The following SMAD3 variants were observed in gnomAD, a reference collection of about 807,000 sequenced individuals.
The protein encoded by SMAD3 is SMAD family member 3, also known as MAD homolog 3.
A neutral mutation model predicts 51.8 loss-of-function variants in SMAD3; 12 were observed. The ratio of observed to expected loss-of-function variants is 0.23; its 90% CI spans 0.15 to 0.38. SMAD3 has a LOEUF of 0.38. Ranked by LOEUF, SMAD3 falls within the 10% of genes least tolerant of loss-of-function variation. The pLI, the probability that SMAD3 is intolerant of heterozygous loss-of-function variation, is 1.00. For missense variants in SMAD3, 294 were observed against 565.6 expected (o/e 0.52, Z 4.87); for synonymous variants, 238 against 227.7 (o/e 1.05, Z -0.41).
chr15:67,146,464 C>T (rs576528584), intron 1 of SMAD3, among the ~76,000 whole-genome samples: 110 of 152,306 alleles, frequency 7.2e-4, no homozygotes, highest in African/African-American at 2.5e-3. Context: ...GAGGTGCGGC[C>T]TAGAGCGGGT....
At chr15:67,078,719 TAACTG>T (rs748932338) in intron 1 of SMAD3, among the ~76,000 whole-genome samples, 7 of 152,154 alleles carry the variant, frequency 4.6e-5, no homozygotes, top group Admixed American at 1.3e-4. Context: ...AGAAACCTCT[TAACTG>T]AAGGCAAGAC....
Position 67,190,551 on chromosome 15 carries a change from G to A in SMAD3, c.*15G>A. The A allele has an allele frequency of 6.2e-7, 1 of 1,613,824 alleles. No individual in the cohort carries two copies. Among genetic ancestry groups the A allele is most frequent in the Non-Finnish European group, 8.5e-7 (1 of 1,179,872 alleles). ...GTGTGTCTTAGAGACATCAAGTATG[G>A]TAGGGGAGGGCAGGCTTGGGGAAAA... is the stretch of plus-strand genomic sequence containing the variant. On this transcript the variant is annotated 3_prime_UTR_variant, in exon 9 of 9. Transcript: ENST00000327367.
intron 1 of SMAD3, among the ~76,000 whole-genome samples, chr15:67,150,376 T>C (rs1039427895): frequency 6.6e-6 from 1 of 152,216 alleles, no homozygotes; most frequent in African/African-American, 2.4e-5. Context: ...CTCTAAGTCT[T>C]TGGAAACTTT....
At chr15:67,127,959 T>C (rs963258307) in intron 1 of SMAD3, 10 of 152,178 alleles carry the variant, frequency 6.6e-5, no homozygotes, top group African/African-American at 1.4e-4. Flanking sequence ...TGAAAAAATA[T>C]CTTATCAGGC....
rs1242366435 is a variant in SMAD3 at position 67,193,485 on chromosome 15, A to G, written c.*2949A>G. On this transcript the variant is annotated 3_prime_UTR_variant, in exon 9 of 9. Coordinates refer to ENST00000327367, the MANE Select transcript of SMAD3 (RefSeq NM_005902.4). The stretch of plus-strand genomic sequence containing the variant: ...TTAGTAACTTAGATGCTTCCAGCAC[A>G]TACGTAGGTAGCTACCCCAGCCGGT... 2 of 233,738 alleles carry G rather than the reference A, an allele frequency of 8.6e-6. No individual in the cohort carries two copies. Among genetic ancestry groups the G allele is most frequent in the Admixed American group, 5.6e-5 (1 of 17,780 alleles). The allele number at this position is 233,738 out of a possible 1,614,324, so 14.5% of individuals were successfully genotyped here.
chr15:67,146,704 C>T (rs1961984073), intron 1 of SMAD3, among the ~76,000 whole-genome samples: 1 of 152,130 alleles, frequency 6.6e-6, no homozygotes, highest in Non-Finnish European at 1.5e-5. Flanking sequence ...AAGAATGAGC[C>T]TTTTCCTTCT....
intron 4 of SMAD3, among the ~76,000 whole-genome samples, chr15:67,170,023 T>C (rs1962702710): frequency 6.6e-6 from 1 of 152,172 alleles, no homozygotes. Context: ...TTTCCTGAAA[T>C]TGATCTTTCC....
chr15:67,133,897 C>T (rs1234988187), intron 1 of SMAD3, among the ~76,000 whole-genome samples: 4 of 152,126 alleles, frequency 2.6e-5, no homozygotes, highest in Non-Finnish European at 1.5e-5. Flanking sequence ...AAGGTCAGAA[C>T]CAGGACCAGA....
rs1264696653 is a variant in SMAD3, at chr15:67,193,390, T to C, written c.*2854T>C. 8 of 233,556 alleles carry C rather than the reference T, an allele frequency of 3.4e-5. No homozygotes were observed. Among genetic ancestry groups the C allele is most frequent in the Non-Finnish European group, 6.8e-5 (8 of 118,060 alleles). 14.5% of individuals were successfully genotyped at this position (233,556 alleles called of 1,614,324 possible). A position where few individuals can be genotyped will look rare whatever the true frequency, so the allele number is the denominator to read the frequency against. ...AGCACTGGGACACAGATCCTTGTCT[T>C]CAGCACCTTCCAAGGAGCCAACTTT... On this transcript the variant is annotated 3_prime_UTR_variant, in exon 9 of 9. Transcript: ENST00000327367.
intron 1 of SMAD3, among the ~76,000 whole-genome samples, chr15:67,096,719 C>G (rs1960622299): frequency 6.6e-6 from 1 of 152,106 alleles, no homozygotes; most frequent in African/African-American, 2.4e-5. Context: ...GCAGCCAACC[C>G]TGACTGGCAT....
At position 67,159,581 on chromosome 15, in the gene SMAD3, C is replaced by A. The variant is rs1962372489; in HGVS notation, c.207-5314C>A. ...TGATATATGTATATACCTATGAAAC[C>A]ACCATAGCAGTAAGAGAATATACAT... On this transcript the variant is annotated intron_variant, in intron 1 of 8. Coordinates refer to ENST00000327367, the MANE Select transcript of SMAD3 (RefSeq NM_005902.4). Among the ~76,000 whole-genome samples, 4 of 151,924 alleles carry A rather than the reference C, an allele frequency of 2.6e-5. No homozygotes were observed. The South Asian group carries it at 8.3e-4, about 32-fold the overall frequency.
At chr15:67,181,524 C>A in intron 6 of SMAD3, 71 bp downstream of exon 6, 1 of 1,270,242 alleles carries the variant, frequency 7.9e-7, no homozygotes, top group East Asian at 2.5e-5. Flanking sequence ...AGCCCCAGGC[C>A]TGAACACACA....
intron 1 of SMAD3, among the ~76,000 whole-genome samples, chr15:67,118,099 A>G (rs28564690): frequency 6.6e-6 from 1 of 152,242 alleles, no homozygotes; most frequent in Non-Finnish European, 1.5e-5. Context: ...CTCAAAAAAT[A>G]AAAAAGAGAG....
At chr15:67,178,442 A>G (rs1962964880) in intron 5 of SMAD3, among the ~76,000 whole-genome samples, 1 of 151,968 alleles carries the variant, frequency 6.6e-6, no homozygotes, top group Admixed American at 6.6e-5. Flanking sequence ...AGTCAAAGCT[A>G]TATGTTCAAG....
At chr15:67,158,388 C>G (rs112275844) in intron 1 of SMAD3, among the ~76,000 whole-genome samples, 2 of 152,354 alleles carry the variant, frequency 1.3e-5, no homozygotes, top group African/African-American at 4.8e-5. Flanking sequence ...GGTGTTGTTG[C>G]TGATGCGTAA....
chr15:67,178,937 A>G (rs1962978921), intron 5 of SMAD3, among the ~76,000 whole-genome samples: 1 of 152,140 alleles, frequency 6.6e-6, no homozygotes, highest in African/African-American at 2.4e-5. Context: ...GAAAACGACA[A>G]GAATGCTTTG....
At chr15:67,085,351 C>T (rs951168275) in intron 1 of SMAD3, among the ~76,000 whole-genome samples, 1 of 152,146 alleles carries the variant, frequency 6.6e-6, no homozygotes, top group Non-Finnish European at 1.5e-5. Context: ...TGCCCTGGCC[C>T]CTGGCTTCCT....
chr15:67,068,452 G>T (rs1436132423), intron 1 of SMAD3, among the ~76,000 whole-genome samples: 1 of 152,138 alleles, frequency 6.6e-6, no homozygotes, highest in African/African-American at 2.4e-5. Context: ...TGTCCTCTGT[G>T]GGGCCATACC....
chr15:67,093,807 G>A (rs1960557250), intron 1 of SMAD3, among the ~76,000 whole-genome samples: 1 of 152,218 alleles, frequency 6.6e-6, no homozygotes, highest in African/African-American at 2.4e-5. Flanking sequence ...CTATCTTCTT[G>A]CCTCTGGCAG....
Sources: allele counts gnomAD v4.1 joint callset (sites outside exome capture counted in the v4.1 genomes callset), GRCh38; gene constraint gnomAD v4.1.1; transcripts MANE v1.5; gene names NCBI Gene and HGNC (gene_info 2026-07-23, HGNC 2026-07-21).